The following PDE3B variants were observed in gnomAD, a reference collection of about 807,000 sequenced individuals.
PDE3B encodes phosphodiesterase 3B.
A neutral mutation model predicts 116.8 loss-of-function variants in PDE3B; 66 were observed. The ratio of observed to expected loss-of-function variants is 0.56; its 90% CI spans 0.46 to 0.69. PDE3B has a LOEUF of 0.69. Ranked by LOEUF, PDE3B falls within the 30% of genes least tolerant of loss-of-function variation. PDE3B has a pLI of 0.00. For missense variants in PDE3B, 1,384 were observed against 1,368.1 expected (o/e 1.01, Z -0.18); for synonymous variants, 595 against 533.6 (o/e 1.12, Z -1.59).
At chr11:14,879,455 A>T in the PDE3B span, 1 of 1,584,602 alleles carries the variant, frequency 6.3e-7, no homozygotes, top group Non-Finnish European at 8.6e-7. Flanking sequence ...TGTCAGAGAA[A>T]AAGTATTCAA....
chr11:14,851,840 A>T (rs1458799879), intron 12 of PDE3B, among the ~76,000 whole-genome samples: 1 of 152,170 alleles, frequency 6.6e-6, no homozygotes, highest in Admixed American at 6.5e-5. Context: ...ACTGGACGAG[A>T]TTAAAAGTCC....
chr11:14,863,689 A>G (rs1555007634), intron 14 of PDE3B, among the ~76,000 whole-genome samples: 1 of 152,198 alleles, frequency 6.6e-6, no homozygotes, highest in Non-Finnish European at 1.5e-5. Context: ...CCAGAATTTC[A>G]TGTCCAGCCA....
intron 12 of PDE3B, among the ~76,000 whole-genome samples, chr11:14,846,636 TG>T (rs1328551121): frequency 7.9e-5 from 12 of 152,064 alleles, no homozygotes; most frequent in African/African-American, 9.7e-5. Context: ...AATAAAAGGA[TG>T]GAGGAAGATC....
At chr11:14,815,735 T>C (rs1859304377) in intron 5 of PDE3B, among the ~76,000 whole-genome samples, 1 of 152,088 alleles carries the variant, frequency 6.6e-6, no homozygotes, top group Admixed American at 6.6e-5. Flanking sequence ...GGGTTAATGC[T>C]ACCTTAGAGT....
chr11:14,647,411 C>A (rs183191469), intron 1 of PDE3B, among the ~76,000 whole-genome samples: 210 of 152,060 alleles, frequency 1.4e-3, no homozygotes, highest in African/African-American at 4.6e-3. Flanking sequence ...TCTGTAATAT[C>A]TTCTAATTCT....
chr11:14,897,092 C>T, the PDE3B span, among the ~76,000 whole-genome samples: 12 of 152,160 alleles, frequency 7.9e-5, no homozygotes, highest in Non-Finnish European at 1.6e-4. Flanking sequence ...TGTATGACAA[C>T]AGAACACATT....
At chr11:14,884,716 TAAAA>T in the PDE3B span, among the ~76,000 whole-genome samples, 1 of 151,656 alleles carries the variant, frequency 6.6e-6, no homozygotes, top group African/African-American at 2.4e-5. Flanking sequence ...AAAAAAGAAA[TAAAA>T]AAACACATAA....
At chr11:14,663,903 G>T (rs1466640282) in intron 1 of PDE3B, among the ~76,000 whole-genome samples, 1 of 152,132 alleles carries the variant, frequency 6.6e-6, no homozygotes, top group Non-Finnish European at 1.5e-5. Flanking sequence ...ACTCATCTCT[G>T]CACCAAGCGG....
chr11:14,894,760 A>G, the PDE3B span, among the ~76,000 whole-genome samples: 1 of 152,206 alleles, frequency 6.6e-6, no homozygotes, highest in Non-Finnish European at 1.5e-5. Flanking sequence ...ACAGTTTATC[A>G]TGTTCCCTCA....
intron 5 of PDE3B, among the ~76,000 whole-genome samples, chr11:14,813,822 T>C (rs1032881897): frequency 6.6e-6 from 1 of 152,056 alleles, no homozygotes; most frequent in Non-Finnish European, 1.5e-5. Context: ...ACAAGTAAAT[T>C]AGAGGCCAAC....
chr11:14,738,115 G>A (rs1856655322), intron 1 of PDE3B, among the ~76,000 whole-genome samples: 1 of 152,054 alleles, frequency 6.6e-6, no homozygotes, highest in Admixed American at 6.6e-5. Context: ...ATGATTTATA[G>A]TCCTTTGGGT....
intron 7 of PDE3B, among the ~76,000 whole-genome samples, chr11:14,821,033 A>G (rs1859501248): frequency 1.3e-5 from 2 of 152,254 alleles, no homozygotes; most frequent in Non-Finnish European, 2.9e-5. Context: ...ACTAGCCTCA[A>G]CTGGGAGATT....
chr11:14,772,712 A>C (rs1857681004), intron 2 of PDE3B: 1 of 151,956 alleles, frequency 6.6e-6, no homozygotes, highest in African/African-American at 2.4e-5. Flanking sequence ...ATATATGTTT[A>C]TATCAGATAA....
intron 1 of PDE3B, among the ~76,000 whole-genome samples, chr11:14,692,230 T>C (rs950816918): frequency 3.9e-5 from 6 of 152,096 alleles, no homozygotes; most frequent in African/African-American, 1.4e-4. Context: ...GCTATGACCA[T>C]GCCATTGCAC....
At chr11:14,890,927 C>G in the PDE3B span, 1 of 985,422 alleles carries the variant, frequency 1.0e-6, no homozygotes, top group Non-Finnish European at 1.2e-6. Flanking sequence ...CCAAACATCC[C>G]TGTACTTTTC....
intron 12 of PDE3B, among the ~76,000 whole-genome samples, chr11:14,848,700 C>G (rs919083497): frequency 6.6e-6 from 1 of 152,154 alleles, no homozygotes; most frequent in African/African-American, 2.4e-5. Context: ...CAATAACAGA[C>G]AAACACAGAG....
intron 1 of PDE3B, among the ~76,000 whole-genome samples, chr11:14,685,021 C>T (rs1323962488): frequency 6.6e-6 from 1 of 152,040 alleles, no homozygotes; most frequent in Non-Finnish European, 1.5e-5. Context: ...ACATCCTCAG[C>T]TTACGAAGAT....
At chr11:14,664,987 T>A (rs1293431013) in intron 1 of PDE3B, among the ~76,000 whole-genome samples, 1 of 152,158 alleles carries the variant, frequency 6.6e-6, no homozygotes, top group East Asian at 1.9e-4. Context: ...TAGACCAATA[T>A]CCTTGATGAA....
At chr11:14,884,523 G>A in the PDE3B span, among the ~76,000 whole-genome samples, 1 of 129,344 alleles carries the variant, frequency 7.7e-6, no homozygotes, top group South Asian at 2.9e-4. Flanking sequence ...CACACTCTGG[G>A]GACTGTTGTG....
Sources: allele counts gnomAD v4.1 joint callset (sites outside exome capture counted in the v4.1 genomes callset), GRCh38; gene constraint gnomAD v4.1.1; transcripts MANE v1.5; gene names NCBI Gene and HGNC (gene_info 2026-07-23, HGNC 2026-07-21).